Variants in PRTFDC1 observed in about 807,000 individuals in gnomAD.
PRTFDC1 encodes phosphoribosyltransferase domain-containing protein 1.
A neutral mutation model predicts 34.6 loss-of-function variants in PRTFDC1; 38 were observed. The observed-to-expected ratio is 1.10, with a 90% CI of 0.85 to 1.44. PRTFDC1 has a LOEUF of 1.44. PRTFDC1 is among the 40% of genes most tolerant of loss of function. The probability of loss-of-function intolerance (pLI) is 0.00; values close to 1 mark genes in which losing one functional copy is unlikely to be tolerated. For missense variants in PRTFDC1, 270 were observed against 283.0 expected, an observed-to-expected ratio of 0.95 and a Z score of 0.33; for synonymous variants, 93 against 98.1, an observed-to-expected ratio of 0.95 and a Z score of 0.31.
At chr10:24,885,843 C>A (rs1181760291) in intron 3 of PRTFDC1, among the ~76,000 whole-genome samples, 1 of 151,546 alleles carries the variant, frequency 6.6e-6, no homozygotes, top group Non-Finnish European at 1.5e-5. Context: ...CATAAAAAGA[C>A]ATGAAGAAAA....
At chr10:24,862,159 A>G (rs1847689946) in intron 4 of PRTFDC1, among the ~76,000 whole-genome samples, 1 of 152,166 alleles carries the variant, frequency 6.6e-6, no homozygotes, top group Admixed American at 6.5e-5. Flanking sequence ...GGTATCATGA[A>G]TTCTTTATTA....
intron 3 of PRTFDC1, among the ~76,000 whole-genome samples, chr10:24,915,697 T>C (rs1848684158): frequency 6.6e-6 from 1 of 152,232 alleles, no homozygotes; most frequent in Admixed American, 6.5e-5. Flanking sequence ...CTGCATTCAG[T>C]GGCTGATTAG....
Position 24,934,214 on chromosome 10 carries a change from AAAGAAG to A in PRTFDC1, c.339+2964_339+2969del, listed in dbSNP as rs57514580. Among the ~76,000 whole-genome samples, 130 of 146,748 alleles carry A rather than the reference AAAGAAG, an allele frequency of 8.9e-4. 1 individual carries two copies. The highest frequency in any genetic ancestry group is 3.5e-3 in the Middle Eastern group (1 of 282). Reference sequence around the variant, plus strand: ...TATATAATCAAATTCTACTGGACACAAAGAAGAAGAAGAAGAAGAAGAAGAAGAAGA... The same window carrying A: ...TATATAATCAAATTCTACTGGACACAAAGAAGAAGAAGAAGAAGAAGAAGA... On this transcript the variant is annotated intron_variant, in intron 3 of 8. Transcript: ENST00000320152.
chr10:24,849,827 G>C lies in PRTFDC1; in HGVS notation c.*17C>G, dbSNP rs370913562. ...ATATGATGCTATCTGGGACTTTAGTGGTGAGAATTCATGTCTTTAGACTCG... is the reference window on the plus strand; with the variant it reads ...ATATGATGCTATCTGGGACTTTAGTCGTGAGAATTCATGTCTTTAGACTCG... On this transcript the variant is annotated 3_prime_UTR_variant, in exon 9 of 9. Transcript: ENST00000320152. The C allele has an allele frequency of 6.2e-7, 1 of 1,612,682 alleles. No homozygotes were observed.
At chr10:24,919,329 C>A (rs1848744801) in intron 3 of PRTFDC1, among the ~76,000 whole-genome samples, 1 of 152,102 alleles carries the variant, frequency 6.6e-6, no homozygotes, top group Non-Finnish European at 1.5e-5. Flanking sequence ...AATAAGACCA[C>A]ACATCTACAA....
At chr10:24,856,600 A>G (rs1044493424) in intron 6 of PRTFDC1, among the ~76,000 whole-genome samples, 12 of 152,200 alleles carry the variant, frequency 7.9e-5, no homozygotes, top group African/African-American at 2.9e-4. Flanking sequence ...CTCAAAACAA[A>G]CAAACAAAGA....
intron 3 of PRTFDC1, among the ~76,000 whole-genome samples, chr10:24,883,248 T>C (rs539553088): frequency 6.6e-6 from 1 of 152,160 alleles, no homozygotes; most frequent in South Asian, 2.1e-4. Context: ...TGATGTGACT[T>C]TCTTCTAAGA....
chr10:24,877,133 T>G (rs1474220028), intron 3 of PRTFDC1, among the ~76,000 whole-genome samples: 2 of 152,178 alleles, frequency 1.3e-5, no homozygotes, highest in Non-Finnish European at 2.9e-5. Flanking sequence ...GGCATTTTGA[T>G]GTTCACTTTC....
rs551166703 is a variant in PRTFDC1 at position 24,855,293 on chromosome 10, A to G, written c.553+25T>C. 5.2e-5 allele frequency: 83 copies of G among 1,605,104 alleles called. No individual in the cohort carries two copies. In the Admixed American group the frequency reaches 6.5e-4, roughly 13 times the overall value. On this transcript the variant is annotated intron_variant, in intron 7 of 8. Coordinates refer to ENST00000320152, the MANE Select transcript of PRTFDC1 (RefSeq NM_020200.7). ...ATAAGCACAAAACAAACAAACAAAC[A>G]AACAAAAAACTGAAAAACACTTACA...
intron 3 of PRTFDC1, among the ~76,000 whole-genome samples, chr10:24,936,042 T>C (rs1338409742): frequency 6.6e-6 from 1 of 152,216 alleles, no homozygotes. Context: ...TACACGTGTA[T>C]GTTGGTTTAA....
intron 1 of PRTFDC1, among the ~76,000 whole-genome samples, chr10:24,947,818 T>G (rs1849274862): frequency 6.6e-6 from 1 of 152,138 alleles, no homozygotes; most frequent in South Asian, 2.1e-4. Flanking sequence ...TTCACTCTAA[T>G]TCAAAGAATC....
intron 3 of PRTFDC1, among the ~76,000 whole-genome samples, chr10:24,935,032 T>A (rs542042627): frequency 6.6e-6 from 1 of 152,300 alleles, no homozygotes; most frequent in Admixed American, 6.5e-5. Context: ...GTATCTGTGG[T>A]TTCCAGGGCT....
chr10:24,933,174 A>C (rs556072919), intron 3 of PRTFDC1, among the ~76,000 whole-genome samples: 5 of 152,176 alleles, frequency 3.3e-5, no homozygotes, highest in African/African-American at 1.2e-4. Context: ...TCTTTTTAAA[A>C]AAAGGAGAAA....
chr10:24,858,068 T>C (rs1157782023), intron 5 of PRTFDC1, among the ~76,000 whole-genome samples: 1 of 152,206 alleles, frequency 6.6e-6, no homozygotes, highest in East Asian at 1.9e-4. Context: ...TTGGTTTTAC[T>C]GTGAAATGAA....
At chr10:24,934,617 C>A (rs751444517) in intron 3 of PRTFDC1, among the ~76,000 whole-genome samples, 1 of 152,218 alleles carries the variant, frequency 6.6e-6, no homozygotes, top group Non-Finnish European at 1.5e-5. Flanking sequence ...TTGATAATAA[C>A]CCTTGCAACC....
chr10:24,918,678 G>A (rs186912723), intron 3 of PRTFDC1, among the ~76,000 whole-genome samples: 2 of 152,176 alleles, frequency 1.3e-5, no homozygotes, highest in African/African-American at 4.8e-5. Context: ...GCCTCCCAAA[G>A]CTCTAGGGTT....
At chr10:24,894,055 G>A (rs530131366) in intron 3 of PRTFDC1, among the ~76,000 whole-genome samples, 5 of 152,170 alleles carry the variant, frequency 3.3e-5, no homozygotes, top group Non-Finnish European at 4.4e-5. Flanking sequence ...TTCATTGGCC[G>A]GGCGCGGTGG....
intron 3 of PRTFDC1, among the ~76,000 whole-genome samples, chr10:24,924,982 G>A (rs961588231): frequency 1.3e-5 from 2 of 152,248 alleles, no homozygotes; most frequent in Middle Eastern, 3.4e-3. Context: ...TATACCCAAA[G>A]GATTATAAAT....
intron 3 of PRTFDC1, among the ~76,000 whole-genome samples, chr10:24,931,791 A>G (rs536481002): frequency 6.6e-6 from 1 of 152,090 alleles, no homozygotes; most frequent in East Asian, 1.9e-4. Context: ...CAAATACCAA[A>G]GACGAATTAG....
Sources: gnomAD v4.1 joint callset for allele counts (sites outside exome capture counted in the v4.1 genomes callset) on GRCh38, gnomAD v4.1.1 for gene constraint, MANE v1.5 for transcripts, NCBI Gene and HGNC (gene_info 2026-07-23, HGNC 2026-07-21) for gene names.